The following SPATA13 variants were observed in gnomAD, a reference collection of about 807,000 sequenced individuals.
The protein encoded by SPATA13 is spermatogenesis associated 13, also known as spermatogenesis-associated protein 13.
In SPATA13, 50 loss-of-function variants were observed where a neutral mutation model predicts 104.0. The ratio of observed to expected loss-of-function variants is 0.48; its 90% confidence interval spans 0.38 to 0.61. The LOEUF (loss-of-function observed/expected upper bound fraction) is 0.61. Ranked by LOEUF, SPATA13 falls within the 20% of genes least tolerant of loss-of-function variation. The pLI is 0.00. For missense variants in SPATA13, 1,524 were observed against 1,690.6 expected, an observed-to-expected ratio of 0.90 and a Z score of 1.73; for synonymous variants, 606 against 667.5, an observed-to-expected ratio of 0.91 and a Z score of 1.42.
intron 3 of SPATA13, among the ~76,000 whole-genome samples, chr13:24,047,049 C>T (rs981360233): frequency 3.9e-5 from 6 of 152,054 alleles, no homozygotes; most frequent in Non-Finnish European, 8.8e-5. Context: ...GGAATGAGTG[C>T]TGCTGATTGG....
chr13:24,278,667 G>T (rs1467924633), intron 4 of SPATA13: 1 of 1,513,276 alleles, frequency 6.6e-7, no homozygotes, highest in Non-Finnish European at 8.8e-7. Context: ...CCAATAACAA[G>T]TACTTGTTCA....
At chr13:24,008,855 T>A (rs1876343059) in intron 2 of SPATA13, among the ~76,000 whole-genome samples, 1 of 152,094 alleles carries the variant, frequency 6.6e-6, no homozygotes, top group Non-Finnish European at 1.5e-5. Context: ...ACTGATGGAA[T>A]GACCCACAGG....
chr13:24,170,549 TC>T (rs1882927371), intron 1 of SPATA13, among the ~76,000 whole-genome samples: 1 of 152,220 alleles, frequency 6.6e-6, no homozygotes, highest in Non-Finnish European at 1.5e-5. Context: ...GTGGAAAGTC[TC>T]CTGTGGAAGC....
chr13:24,104,239 GTT>G (rs113835456), intron 3 of SPATA13, among the ~76,000 whole-genome samples: 7 of 144,612 alleles, frequency 4.8e-5, no homozygotes, highest in Non-Finnish European at 7.7e-5. Context: ...GCTAGAATGG[GTT>G]TTTTTTTTTT....
intron 1 of SPATA13, among the ~76,000 whole-genome samples, chr13:23,982,540 A>C (rs1874949825): frequency 6.6e-6 from 1 of 152,180 alleles, no homozygotes; most frequent in Non-Finnish European, 1.5e-5. Flanking sequence ...TACTATCCTG[A>C]GTCACAGAAG....
chr13:24,271,751 C>T (rs1378206192), intron 4 of SPATA13, among the ~76,000 whole-genome samples: 1 of 152,172 alleles, frequency 6.6e-6, no homozygotes, highest in African/African-American at 2.4e-5. Flanking sequence ...ATGCCAGCGC[C>T]TCGCCTGAAA....
At position 24,289,107 on chromosome 13, in the gene SPATA13, A is replaced by G; in HGVS notation, c.2776A>G (p.Lys926Glu). Residue 926 changes from lysine (K) to glutamate (E), a missense_variant, in exon 8 of 13, where the codon AAA (lysine) becomes GAA (glutamate). Around this residue, in one of 2 missense-constraint regions of SPATA13, gnomAD observed 435 missense variants for 554.8 expected, o/e 0.78. Transcript: ENST00000382108. Reference protein sequence around the residue: ...DIYKFQRKFLKDLEKQYNKEE... With the variant: ...DIYKFQRKFLEDLEKQYNKEE... ...TTACAAATTCCAAAGAAAGTTTCTG[A>G]AAGACCTTGAGAAACAGTACAACAA... 3 of 1,613,788 alleles carry G rather than the reference A, an allele frequency of 1.9e-6. No individual in the cohort carries two copies. Among genetic ancestry groups the G allele is most frequent in the Non-Finnish European group, 2.5e-6 (3 of 1,179,922 alleles).
At chr13:24,082,578 T>C (rs1448579156) in intron 3 of SPATA13, among the ~76,000 whole-genome samples, 1 of 151,416 alleles carries the variant, frequency 6.6e-6, no homozygotes, top group Non-Finnish European at 1.5e-5. Flanking sequence ...CCCAGCACTT[T>C]GGGAGGCCGA....
intron 1 of SPATA13, among the ~76,000 whole-genome samples, chr13:24,181,512 T>A (rs1050842094): frequency 1.3e-5 from 2 of 152,306 alleles, no homozygotes; most frequent in Admixed American, 6.5e-5. Flanking sequence ...GTTTTGCACT[T>A]CTTAAGCTTT....
chr13:24,085,732 A>G (rs1879697334), intron 3 of SPATA13, among the ~76,000 whole-genome samples: 1 of 152,286 alleles, frequency 6.6e-6, no homozygotes, highest in East Asian at 1.9e-4. Context: ...GGGTGCTGGC[A>G]TGGCCCACTC....
chr13:24,050,236 A>G (rs1286281685), intron 3 of SPATA13, among the ~76,000 whole-genome samples: 1 of 152,068 alleles, frequency 6.6e-6, no homozygotes, highest in Non-Finnish European at 1.5e-5. Context: ...TTTATGAGAA[A>G]CTGTTAAGTA....
At chr13:24,289,555 G>A (rs753655868) in intron 8 of SPATA13, among the ~76,000 whole-genome samples, 3 of 152,070 alleles carry the variant, frequency 2.0e-5, no homozygotes, top group Non-Finnish European at 4.4e-5. Flanking sequence ...ATATTAGCTT[G>A]TGTATTGCTA....
At chr13:24,117,382 G>A (rs1240681060) in intron 3 of SPATA13, among the ~76,000 whole-genome samples, 1 of 152,050 alleles carries the variant, frequency 6.6e-6, no homozygotes, top group Non-Finnish European at 1.5e-5. Flanking sequence ...CCTTGTCTTT[G>A]CTAACCCATA....
intron 1 of SPATA13, among the ~76,000 whole-genome samples, chr13:24,191,145 T>G (rs139714798): frequency 6.6e-6 from 1 of 152,152 alleles, no homozygotes; most frequent in Non-Finnish European, 1.5e-5. Context: ...AATTAATTAT[T>G]ATTTTATGTT....
intron 4 of SPATA13, among the ~76,000 whole-genome samples, chr13:24,264,001 T>G (rs1466436252): frequency 6.6e-6 from 1 of 152,244 alleles, no homozygotes; most frequent in Non-Finnish European, 1.5e-5. Context: ...AACCATATTG[T>G]CTGCAAGTCT....
At chr13:24,212,991 G>A (rs1420977831) in intron 1 of SPATA13, among the ~76,000 whole-genome samples, 1 of 152,260 alleles carries the variant, frequency 6.6e-6, no homozygotes, top group African/African-American at 2.4e-5. Context: ...TCTGACCTTA[G>A]GTGCAATAGC....
rs760273244 is a variant in SPATA13 at position 24,304,392 on chromosome 13, G to C, written c.*1619G>C. 2 of 152,150 alleles carry C rather than the reference G, an allele frequency of 1.3e-5. No homozygotes were observed. Among genetic ancestry groups the C allele is most frequent in the African/African-American group, 2.4e-5 (1 of 41,440 alleles). 9.4% of individuals were successfully genotyped at this position (152,150 alleles called of 1,614,324 possible). On this transcript the variant is annotated 3_prime_UTR_variant, in exon 13 of 13. Transcript: ENST00000382108. ...TCAACCCGCTCAGTGCCCTGGACAG[G>C]AGATGCTGTGTTAAACTGTTAATGG...
At chr13:24,147,847 C>T (rs1022581753) in intron 3 of SPATA13, among the ~76,000 whole-genome samples, 6 of 152,128 alleles carry the variant, frequency 3.9e-5, no homozygotes, top group Admixed American at 6.5e-5. Context: ...TGGAATCGTA[C>T]GGGATTGGTC....
In SPATA13 at chr13:24,224,252, CA is replaced by C; in HGVS notation, c.1326del (p.Asp443ThrfsTer11). The C allele has an allele frequency of 6.4e-7, 1 of 1,551,678 alleles. No homozygotes were observed. Among genetic ancestry groups the C allele is most frequent in the Non-Finnish European group, 8.7e-7 (1 of 1,146,976 alleles). On this transcript the variant is annotated frameshift_variant, in exon 2 of 13. Coordinates refer to ENST00000382108, the MANE Select transcript of SPATA13 (RefSeq NM_001166271.3). LOFTEE classifies it high-confidence loss of function. ...GCCCGATTGTCCAGGATGTGTTGAG[CA>C]AAGACTCCTGTGACCCAAACGCTGG... ...PSPIVQDVLS[K>X]DSCDPNAGSQ...
Sources: allele counts gnomAD v4.1 joint callset (sites outside exome capture counted in the v4.1 genomes callset), GRCh38; gene constraint gnomAD v4.1.1; regional missense constraint gnomAD v4.1.1; transcripts MANE v1.5; gene names NCBI Gene and HGNC (gene_info 2026-07-23, HGNC 2026-07-21).